FAM171A1: variants seen among roughly 807,000 people sequenced by gnomAD.
The protein encoded by FAM171A1 is family with sequence similarity 171 member A1.
A neutral mutation model predicts 74.9 loss-of-function variants in FAM171A1; 23 were observed. The observed-to-expected ratio is 0.31, with a 90% confidence interval of 0.22 to 0.44. FAM171A1 has a LOEUF of 0.44. FAM171A1 is among the 20% of genes least tolerant of loss of function. The pLI, the probability that FAM171A1 is intolerant of heterozygous loss-of-function variation, is 1.00. For synonymous variants in FAM171A1, 527 were observed against 505.7 expected (o/e 1.04, Z -0.57); for missense variants, 1,162 against 1,159.2 (o/e 1.00, Z -0.03).
chr10:15,321,799 G>A (rs1007549739), intron 1 of FAM171A1, among the ~76,000 whole-genome samples: 5 of 152,284 alleles, frequency 3.3e-5, no homozygotes, highest in Admixed American at 3.3e-4. Context: ...CATAAAACTA[G>A]CCAGTCTCAG....
chr10:15,374,483 T>C (rs897009922), upstream of FAM171A1, among the ~76,000 whole-genome samples: 10 of 152,358 alleles, frequency 6.6e-5, no homozygotes, highest in Non-Finnish European at 4.4e-5. Context: ...ACTTATCCTT[T>C]ACAGGAATAA....
At chr10:15,359,967 T>C (rs556069599) in intron 1 of FAM171A1, among the ~76,000 whole-genome samples, 1 of 152,310 alleles carries the variant, frequency 6.6e-6, no homozygotes, top group Non-Finnish European at 1.5e-5. Context: ...CAGGGTCTTG[T>C]TCTGTTGCTC....
chr10:15,348,221 C>T (rs375632446), intron 1 of FAM171A1, among the ~76,000 whole-genome samples: 9 of 152,152 alleles, frequency 5.9e-5, no homozygotes, highest in African/African-American at 2.2e-4. Flanking sequence ...TGAGGTGTTC[C>T]GCCTGCCTCA....
intron 1 of FAM171A1, among the ~76,000 whole-genome samples, chr10:15,331,894 T>TGA (rs1835642658): frequency 1.4e-5 from 2 of 139,420 alleles, no homozygotes; most frequent in Non-Finnish European, 3.1e-5. Flanking sequence ...TATATATATA[T>TGA]ATGAAACAAT....
At chr10:15,286,393 G>T (rs1243534072) in intron 1 of FAM171A1, among the ~76,000 whole-genome samples, 1 of 152,094 alleles carries the variant, frequency 6.6e-6, no homozygotes, top group African/African-American at 2.4e-5. Context: ...CAATTCTCCT[G>T]CCTCAGCCTC....
At chr10:15,352,043 A>C (rs1835885877) in intron 1 of FAM171A1, among the ~76,000 whole-genome samples, 1 of 103,232 alleles carries the variant, frequency 9.7e-6, no homozygotes, top group South Asian at 3.0e-4. Flanking sequence ...AAAATACAAA[A>C]TACAAAAAAA....
chr10:15,285,128 A>C (rs1835019968), intron 1 of FAM171A1, among the ~76,000 whole-genome samples: 1 of 152,198 alleles, frequency 6.6e-6, no homozygotes, highest in Non-Finnish European at 1.5e-5. Flanking sequence ...TTGTAACTAC[A>C]CAGCTACAGT....
chr10:15,319,621 C>CG (rs1298653883), intron 1 of FAM171A1, among the ~76,000 whole-genome samples: 20 of 152,004 alleles, frequency 1.3e-4, no homozygotes, highest in Admixed American at 3.9e-4. Flanking sequence ...TTTGTAGAGA[C>CG]GGGGTTTCAC....
At chr10:15,373,549 A>C (rs1223825148), upstream of FAM171A1, among the ~76,000 whole-genome samples, 1 of 152,212 alleles carries the variant, frequency 6.6e-6, no homozygotes, top group African/African-American at 2.4e-5. Context: ...AACCTGCTCT[A>C]ATCCCAGTGA....
At chr10:15,330,929 GCC>G (rs1554755743) in intron 1 of FAM171A1, among the ~76,000 whole-genome samples, 1 of 150,470 alleles carries the variant, frequency 6.6e-6, no homozygotes. Context: ...TCACTGCATT[GCC>G]CAGGCTGGAG....
intron 1 of FAM171A1, among the ~76,000 whole-genome samples, chr10:15,357,231 C>T (rs898891243): frequency 2.7e-5 from 4 of 150,864 alleles, no homozygotes; most frequent in African/African-American, 4.9e-5. Flanking sequence ...TGCAGTGGGC[C>T]GAGACCACAC....
chr10:15,213,002 G>GTCTTCC lies in FAM171A1; in HGVS notation c.2580_2585dup (p.Glu860_Glu861dup). ...CTTCTCCTTGGTCATCATCATCATC[G>GTCTTCC]TCTTCCTCTTCCTCGTGGGCAGATC... On this transcript the variant is annotated inframe_insertion, in exon 8 of 8. Transcript: ENST00000378116. The surrounding 1 kb of genome is among the most constrained non-coding windows in gnomAD (Gnocchi z 6.8). The GTCTTCC allele has an allele frequency of 6.2e-7, 1 of 1,613,886 alleles. No homozygotes were observed. Among genetic ancestry groups the GTCTTCC allele is most frequent in the African/African-American group, 1.3e-5 (1 of 74,948 alleles).
At chr10:15,297,786 T>A (rs1173047538) in intron 1 of FAM171A1, among the ~76,000 whole-genome samples, 3 of 152,226 alleles carry the variant, frequency 2.0e-5, no homozygotes, top group Non-Finnish European at 4.4e-5. Context: ...CCTGTTACCC[T>A]AATAAGTTAA....
At chr10:15,264,381 T>G (rs1427491627) in intron 3 of FAM171A1, among the ~76,000 whole-genome samples, 2 of 152,182 alleles carry the variant, frequency 1.3e-5, no homozygotes, top group Non-Finnish European at 2.9e-5. Context: ...GTGGCTTGCA[T>G]GTCTGAGCAG....
chr10:15,269,358 A>T (rs1488852124), intron 3 of FAM171A1, among the ~76,000 whole-genome samples: 1 of 151,562 alleles, frequency 6.6e-6, no homozygotes, highest in East Asian at 1.9e-4. Context: ...GTCTCAAGTG[A>T]TCCTCCTGCC....
intron 1 of FAM171A1, among the ~76,000 whole-genome samples, chr10:15,360,915 A>G (rs543141958): frequency 6.6e-6 from 1 of 152,296 alleles, no homozygotes; most frequent in Admixed American, 6.5e-5. Flanking sequence ...TAAAAGATCT[A>G]AGTATTTTTC....
chr10:15,359,733 G>A (rs1192984800), intron 1 of FAM171A1, among the ~76,000 whole-genome samples: 1 of 152,144 alleles, frequency 6.6e-6, no homozygotes, highest in African/African-American at 2.4e-5. Flanking sequence ...GTCGCAGAAG[G>A]GTAAGTCAGA....
intron 2 of FAM171A1, among the ~76,000 whole-genome samples, chr10:15,277,171 A>G (rs1006031227): frequency 1.3e-5 from 2 of 152,194 alleles, no homozygotes; most frequent in African/African-American, 4.8e-5. Flanking sequence ...AAGTGCTTTA[A>G]TTTTAGTAAT....
intron 1 of FAM171A1, among the ~76,000 whole-genome samples, chr10:15,354,184 C>A (rs568308925): frequency 6.6e-6 from 1 of 152,034 alleles, no homozygotes; most frequent in African/African-American, 2.4e-5. Flanking sequence ...TGAAGTGGCT[C>A]CTGGAGCTCT....
Sources: allele counts gnomAD v4.1 joint callset (sites outside exome capture counted in the v4.1 genomes callset), GRCh38; gene constraint gnomAD v4.1.1; non-coding constraint Gnocchi (gnomAD v3.1); transcripts MANE v1.5; gene names NCBI Gene and HGNC (gene_info 2026-07-23, HGNC 2026-07-21).